SYDE2: variants seen among roughly 807,000 people sequenced by gnomAD.
The protein encoded by SYDE2 is synapse defective Rho GTPase homolog 2.
A neutral mutation model predicts 91.5 loss-of-function variants in SYDE2; 76 were observed. The ratio of observed to expected loss-of-function variants is 0.83; its 90% CI spans 0.69 to 1.01. The LOEUF (loss-of-function observed/expected upper bound fraction) is 1.01, where lower values mean the gene tolerates loss of function less well. Among genes scored for constraint, SYDE2 ranks in the 50% least tolerant of loss-of-function variants. The pLI, the probability that SYDE2 is intolerant of heterozygous loss-of-function variation, is 0.00. For missense variants in SYDE2, 1,364 were observed against 1,367.7 expected, an observed-to-expected ratio of 1.00 and a Z score of 0.04; for synonymous variants, 513 against 506.4, an observed-to-expected ratio of 1.01 and a Z score of -0.18.
intron 3 of SYDE2, among the ~76,000 whole-genome samples, chr1:85,179,795 TA>T (rs1461596607): frequency 2.0e-5 from 3 of 152,096 alleles, no homozygotes; most frequent in Non-Finnish European, 2.9e-5. Context: ...TTAAGTGTCA[TA>T]AAGTACCATA....
intron 6 of SYDE2, among the ~76,000 whole-genome samples, chr1:85,163,442 AATCTAT>A (rs1479725148): frequency 5.7e-4 from 29 of 50,736 alleles, no homozygotes; most frequent in African/African-American, 1.3e-3. Context: ...CTTGTACTTT[AATCTAT>A]ATATATATAT....
chr1:85,161,802 C>A (rs1657072834), intron 6 of SYDE2, among the ~76,000 whole-genome samples: 6 of 151,554 alleles, frequency 4.0e-5, no homozygotes, highest in Admixed American at 3.9e-4. Flanking sequence ...TTGATTTATC[C>A]ATCTTTAAAG....
intron 1 of SYDE2, 70 bp from the exon 2 acceptor site, chr1:85,190,822 C>T: frequency 3.0e-6 from 4 of 1,313,992 alleles, no homozygotes; most frequent in Non-Finnish European, 4.1e-6. Flanking sequence ...CACTTCAGAC[C>T]AGTTATTTAA....
chr1:85,200,487 G>A lies in SYDE2; in HGVS notation c.510C>T (p.Gly170=). The A allele has an allele frequency of 6.2e-7, 1 of 1,613,858 alleles. No individual in the cohort carries two copies. The highest frequency in any genetic ancestry group is 8.5e-7 in the Non-Finnish European group (1 of 1,179,902). ...DPAGSSVIRS[G]KGDRQEGPSF... Reference sequence around the variant, plus strand: ...AGGGGCCTTCCTGGCGGTCTCCTTTGCCACTGCGTATCACAGAGGACCCCG... The same window carrying A: ...AGGGGCCTTCCTGGCGGTCTCCTTTACCACTGCGTATCACAGAGGACCCCG... Residue 170 remains glycine, a synonymous_variant, in exon 1 of 7, where the codon GGC becomes GGT. Transcript: ENST00000341460.
At chr1:85,184,506 C>T (rs553652942) in intron 2 of SYDE2, among the ~76,000 whole-genome samples, 1 of 152,050 alleles carries the variant, frequency 6.6e-6, no homozygotes, top group Admixed American at 6.6e-5. Context: ...AACAATACTA[C>T]CCTACATGTA....
intron 3 of SYDE2, among the ~76,000 whole-genome samples, chr1:85,180,765 T>C (rs985037202): frequency 1.3e-5 from 2 of 152,118 alleles, no homozygotes; most frequent in African/African-American, 4.8e-5. Context: ...CTTAAAGTGG[T>C]AACAGTCTAT....
intron 1 of SYDE2, among the ~76,000 whole-genome samples, chr1:85,193,341 G>A: frequency 6.6e-6 from 1 of 152,140 alleles, no homozygotes; most frequent in South Asian, 2.1e-4. Context: ...TAAATTTGAA[G>A]CAAACAGTAT....
rs777889181 is a variant in SYDE2 at position 85,182,935 on chromosome 1, A to C, written c.1707T>G (p.Val569=). 1.1e-5 allele frequency: 17 copies of C among 1,613,844 alleles called. No homozygotes were observed. In the East Asian group the frequency reaches 3.8e-4, roughly 36 times the overall value. Reference sequence around the variant, plus strand: ...CAGAGGGCAGAATATCAGTATGATGAACTTCTCGGCAGTTATATTTAGACA... The same window carrying C: ...CAGAGGGCAGAATATCAGTATGATGCACTTCTCGGCAGTTATATTTAGACA... The part of the protein sequence containing the change: ...PSLSKYNCRE[V]HHTDILPSGN... Residue 569 remains valine (V), a synonymous_variant, in exon 3 of 7, where the codon GTT becomes GTG. Transcript: ENST00000341460.
Position 85,157,007 on chromosome 1 carries a change from A to G in SYDE2, c.*1743T>C, listed in dbSNP as rs922037715. 7 of 152,038 alleles carry G rather than the reference A, an allele frequency of 4.6e-5. No individual in the cohort carries two copies. The highest frequency in any genetic ancestry group is 9.6e-5 in the African/African-American group (4 of 41,462). The allele number at this position is 152,038 out of a possible 1,614,324, so 9.4% of individuals were successfully genotyped here. A position where few individuals can be genotyped will look rare whatever the true frequency, so the allele number is the denominator to read the frequency against. Reference sequence around the variant, plus strand: ...GTACTTTCCTTTGACTGTTTACTCAATATATATGTTCTCTTGGTATTCTTC... The same window carrying G: ...GTACTTTCCTTTGACTGTTTACTCAGTATATATGTTCTCTTGGTATTCTTC... On this transcript the variant is annotated 3_prime_UTR_variant, in exon 7 of 7. Coordinates refer to ENST00000341460, the MANE Select transcript of SYDE2 (RefSeq NM_032184.2).
At chr1:85,193,629 AT>A (rs34535337) in intron 1 of SYDE2, among the ~76,000 whole-genome samples, 80,311 of 151,366 alleles carry the variant, frequency 0.53, 23,383 homozygotes, top group South Asian at 0.7. Flanking sequence ...ATTAAAAGGA[AT>A]TTTTTTTTAC....
chr1:85,152,546 G>A (rs776598637), downstream of SYDE2: 1 of 152,136 alleles, frequency 6.6e-6, no homozygotes, highest in Non-Finnish European at 1.5e-5. Context: ...AAATTATGTA[G>A]ACATTGCGAT....
In SYDE2 at chr1:85,190,391, T is replaced by A; in HGVS notation, c.1107A>T (p.Glu369Asp). 1 of 1,613,942 alleles carries A rather than the reference T, an allele frequency of 6.2e-7. No individual in the cohort carries two copies. The change falls in exon 2 of 7, where the codon GAA (glutamate) becomes GAT (aspartate). Residue 369 changes from glutamate (E) to aspartate (D), a missense_variant. Transcript: ENST00000341460. ...NEENDADDEG[E>D]IWYNPIPEDD... ...CCTCAGGAATGGGATTGTACCATAT[T>A]TCTCCTTCATCATCTGCATCATTTT...
At chr1:85,156,114 A>C (rs1489035403), downstream of SYDE2, among the ~76,000 whole-genome samples, 1 of 152,138 alleles carries the variant, frequency 6.6e-6, no homozygotes, top group Non-Finnish European at 1.5e-5. Context: ...GCAGCAAGAA[A>C]CGTGCTGTTA....
intron 4 of SYDE2, among the ~76,000 whole-genome samples, chr1:85,172,134 T>C (rs1657524918): frequency 6.6e-6 from 1 of 152,206 alleles, no homozygotes; most frequent in African/African-American, 2.4e-5. Context: ...GTAAGGAAGA[T>C]CATTTCTCTA....
At chr1:85,176,524 A>G (rs1657704682) in intron 4 of SYDE2, among the ~76,000 whole-genome samples, 1 of 152,212 alleles carries the variant, frequency 6.6e-6, no homozygotes. Flanking sequence ...TTTCACCAAC[A>G]AAATTCTCTT....
chr1:85,168,644 G>A (rs12034937), intron 5 of SYDE2, among the ~76,000 whole-genome samples: 7,184 of 152,164 alleles, frequency 0.047, 262 homozygotes, highest in East Asian at 0.17. Flanking sequence ...CACAGTTGTT[G>A]TATCTAAAAA....
intron 5 of SYDE2, among the ~76,000 whole-genome samples, chr1:85,167,455 T>TTGAC (rs1270369647): frequency 2.6e-5 from 4 of 152,196 alleles, no homozygotes; most frequent in African/African-American, 9.7e-5. Flanking sequence ...CACACAGTTA[T>TTGAC]TGACTGATTG....
At position 85,178,243 on chromosome 1, in the gene SYDE2, C is replaced by T. The variant is rs1004851261; in HGVS notation, c.2574G>A (p.Ser858=). 1.8e-5 allele frequency: 28 copies of T among 1,579,766 alleles called. No homozygotes were observed. The highest frequency in any genetic ancestry group is 2.1e-5 in the Non-Finnish European group (24 of 1,161,758). Residue 858 remains serine, a synonymous_variant, in exon 4 of 7, where the codon TCG becomes TCA. Coordinates refer to ENST00000341460, the MANE Select transcript of SYDE2 (RefSeq NM_032184.2). ...QVVGLYRLCG[S]AAVKKELREA... ...CTCGCAGTTCTTTCTTGACTGCTGCCGAACCACATAATCGATACAGGCCTA... is the reference window on the plus strand; with the variant it reads ...CTCGCAGTTCTTTCTTGACTGCTGCTGAACCACATAATCGATACAGGCCTA...
chr1:85,199,305 T>C (rs1263305665), intron 1 of SYDE2, among the ~76,000 whole-genome samples: 1 of 152,200 alleles, frequency 6.6e-6, no homozygotes, highest in African/African-American at 2.4e-5. Flanking sequence ...CAAAAGACCA[T>C]GTTGTTTTGG....
Sources: gnomAD v4.1 joint callset for allele counts (sites outside exome capture counted in the v4.1 genomes callset) on GRCh38, gnomAD v4.1.1 for gene constraint, MANE v1.5 for transcripts, NCBI Gene and HGNC (gene_info 2026-07-23, HGNC 2026-07-21) for gene names.